Variants in SLAIN1 observed in about 807,000 individuals in gnomAD.
SLAIN1 encodes the protein SLAIN motif-containing protein 1.
Under a neutral mutation model 55.4 loss-of-function variants are expected in SLAIN1, and 17 were observed. The ratio of observed to expected loss-of-function variants is 0.31; its 90% CI spans 0.21 to 0.46. SLAIN1 has a LOEUF of 0.46. Ranked by LOEUF, SLAIN1 falls within the 20% of genes least tolerant of loss-of-function variation. SLAIN1 has a pLI of 1.00. For synonymous variants in SLAIN1, 348 were observed against 337.4 expected (o/e 1.03, Z -0.35); for missense variants, 682 against 785.1 (o/e 0.87, Z 1.57).
At chr13:77,709,494 T>G (rs2091124664) in intron 1 of SLAIN1, among the ~76,000 whole-genome samples, 1 of 152,086 alleles carries the variant, frequency 6.6e-6, no homozygotes, top group South Asian at 2.1e-4. Context: ...GGGAATAAAG[T>G]TAAGAGCAGC....
intron 2 of SLAIN1, among the ~76,000 whole-genome samples, chr13:77,735,913 T>G (rs1433722462): frequency 6.7e-6 from 1 of 149,080 alleles, no homozygotes; most frequent in Non-Finnish European, 1.5e-5. Flanking sequence ...ACTGGGGTGG[T>G]TTTTTTTTTC....
Position 77,698,384 on chromosome 13 carries a change from C to T in SLAIN1, c.471C>T (p.Phe157=). ...ACTTCAAGCCGGCAGCAGGCTTCTT[C>T]GGCGCGGGCGGTGGCGGGCCGGAGC... The part of the protein sequence containing the change: ...FVYFKPAAGF[F]GAGGGGPEPG... Residue 157 remains phenylalanine (F), a synonymous_variant, in exon 1 of 7, where the codon TTC becomes TTT. Coordinates refer to ENST00000418532, the MANE Select transcript of SLAIN1 (RefSeq NM_001242868.2). This position sits in a 1 kb window ranked among gnomAD's most constrained non-coding sequence, Gnocchi z 4.1. 1 of 1,420,270 alleles carries T rather than the reference C, an allele frequency of 7.0e-7. No homozygotes were observed. The highest frequency in any genetic ancestry group is 1.4e-5 in the South Asian group (1 of 69,148). 88.0% of individuals were successfully genotyped at this position (1,420,270 alleles called of 1,614,324 possible).
intron 1 of SLAIN1, among the ~76,000 whole-genome samples, chr13:77,716,293 A>C (rs1302845530): frequency 1.3e-5 from 2 of 148,860 alleles, no homozygotes; most frequent in African/African-American, 2.5e-5. Context: ...AACTGTTTTC[A>C]TTACTGTCAT....
At chr13:77,708,109 A>G (rs927915594) in intron 1 of SLAIN1, among the ~76,000 whole-genome samples, 6 of 152,226 alleles carry the variant, frequency 3.9e-5, no homozygotes, top group Admixed American at 1.3e-4. Context: ...ATAAGTGAAC[A>G]TGGCATAGTG....
At chr13:77,746,112 C>T (rs552109518) in intron 3 of SLAIN1, among the ~76,000 whole-genome samples, 1 of 152,136 alleles carries the variant, frequency 6.6e-6, no homozygotes, top group South Asian at 2.1e-4. Context: ...AGAATGACTT[C>T]CTACTTGGGC....
intron 1 of SLAIN1, among the ~76,000 whole-genome samples, chr13:77,710,047 C>T (rs1264871694): frequency 6.6e-6 from 1 of 152,056 alleles, no homozygotes. Context: ...GCTGGGATTA[C>T]AGGTGTGAGC....
At position 77,698,932 on chromosome 13, in the gene SLAIN1, G is replaced by C. The variant is rs1455357854; in HGVS notation, c.626+393G>C. The stretch of plus-strand genomic sequence containing the variant: ...CGGAGGGATGACGGGGGATGGTAGG[G>C]GTTGGCCTCTGTCTGCGACTGTTAC... On this transcript the variant is annotated intron_variant, in intron 1 of 6. Coordinates refer to ENST00000418532, the MANE Select transcript of SLAIN1 (RefSeq NM_001242868.2). This position sits in a 1 kb window ranked among gnomAD's most constrained non-coding sequence, Gnocchi z 4.1. 6.5e-7 allele frequency: 1 copy of C among 1,533,968 alleles called. No homozygotes were observed. Among genetic ancestry groups the C allele is most frequent in the Non-Finnish European group, 8.7e-7 (1 of 1,146,702 alleles).
chr13:77,699,257 T>G lies in SLAIN1; in HGVS notation c.626+718T>G. ...GACTTTTTTATTTATTTATTTATTT[T>G]TTTACCTAGGAACCAACGAACTGTC... On this transcript the variant is annotated intron_variant, in intron 1 of 6. Coordinates refer to ENST00000418532, the MANE Select transcript of SLAIN1 (RefSeq NM_001242868.2). 4 of 364,764 alleles carry G rather than the reference T, an allele frequency of 1.1e-5. No individual in the cohort carries two copies. The East Asian group carries it at 1.7e-4, about 15-fold the overall frequency. The allele number at this position is 364,764 out of a possible 1,614,324, so 22.6% of individuals were successfully genotyped here. A position where few individuals can be genotyped will look rare whatever the true frequency, so the allele number is the denominator to read the frequency against.
At chr13:77,717,665 G>A (rs145549016) in intron 1 of SLAIN1, among the ~76,000 whole-genome samples, 179 of 152,186 alleles carry the variant, frequency 1.2e-3, no homozygotes, top group African/African-American at 4.0e-3. Context: ...TGTCTGGGGC[G>A]TGGGCCTAAA....
At chr13:77,721,150 C>A (rs1333977178) in intron 2 of SLAIN1, among the ~76,000 whole-genome samples, 1 of 152,066 alleles carries the variant, frequency 6.6e-6, no homozygotes, top group African/African-American at 2.4e-5. Context: ...GGGGCGGTTT[C>A]CCCCATGCTG....
chr13:77,759,685 C>A (rs1874863485), intron 5 of SLAIN1, among the ~76,000 whole-genome samples: 1 of 152,138 alleles, frequency 6.6e-6, no homozygotes, highest in African/African-American at 2.4e-5. Context: ...TTTTTTGTAT[C>A]TGTTGAGATG....
chr13:77,746,442 T>G (rs1566241919), intron 3 of SLAIN1, 72 bp from the exon 4 acceptor site: 3 of 1,313,808 alleles, frequency 2.3e-6, no homozygotes, highest in Non-Finnish European at 3.1e-6. Context: ...ATTTTTCATC[T>G]AATACTTGGT....
intron 5 of SLAIN1, 110 bp from the exon 6 acceptor site, chr13:77,760,718 C>A: frequency 1.8e-6 from 2 of 1,142,208 alleles, no homozygotes; most frequent in Non-Finnish European, 1.3e-6. Flanking sequence ...TTTTCTCCTC[C>A]TGTGTATATT....
In SLAIN1 at chr13:77,714,145, C is replaced by T. The variant is rs552430454; in HGVS notation, c.627-5387C>T. On this transcript the variant is annotated intron_variant, in intron 1 of 6. Coordinates refer to ENST00000418532, the MANE Select transcript of SLAIN1 (RefSeq NM_001242868.2). ...TGTAAAAAATCCTGCACCTTCTGCA[C>T]ATATATCCCAGAACTTAAAGTATAG... 2.0e-5 allele frequency among the ~76,000 whole-genome samples: 3 copies of T among 151,990 alleles called. No individual in the cohort carries two copies. The South Asian group carries it at 6.2e-4, about 32-fold the overall frequency.
At chr13:77,716,167 C>G (rs1440906994) in intron 1 of SLAIN1, among the ~76,000 whole-genome samples, 1 of 151,506 alleles carries the variant, frequency 6.6e-6, no homozygotes, top group Non-Finnish European at 1.5e-5. Context: ...GTTCCAACAC[C>G]ATTTATTTAA....
intron 6 of SLAIN1, among the ~76,000 whole-genome samples, chr13:77,762,303 CTA>C (rs1275275633): frequency 2.0e-5 from 3 of 152,222 alleles, no homozygotes; most frequent in Non-Finnish European, 4.4e-5. Context: ...TGTCTCCAAA[CTA>C]AACTCTTGGA....
At position 77,698,413 on chromosome 13, in the gene SLAIN1, G is replaced by A; in HGVS notation, c.500G>A (p.Gly167Glu). ...FGAGGGGPEP[G>E]GAGTPPGAAA... ...GCGGGCGGTGGCGGGCCGGAGCCGG[G>A]GGGCGCGGGGACGCCGCCAGGGGCA... Residue 167 changes from glycine to glutamate, a missense_variant, in exon 1 of 7, where the codon GGG (glycine) becomes GAG (glutamate). Physicochemically the swap from Gly to Glu is moderately conservative, Grantham distance 98. This residue lies in a region of SLAIN1 where 401 missense variants were observed against 417.3 expected (regional missense o/e 0.96). Coordinates refer to ENST00000418532, the MANE Select transcript of SLAIN1 (RefSeq NM_001242868.2). The surrounding 1 kb of genome is among the most constrained non-coding windows in gnomAD (Gnocchi z 4.1). 1.4e-6 allele frequency: 2 copies of A among 1,395,688 alleles called. No homozygotes were observed. The highest frequency in any genetic ancestry group is 3.2e-5 in the South Asian group (2 of 63,308). The allele number at this position is 1,395,688 out of a possible 1,614,324, so 86.5% of individuals were successfully genotyped here.
intron 5 of SLAIN1, among the ~76,000 whole-genome samples, chr13:77,756,679 T>C (rs2154410916): frequency 6.6e-6 from 1 of 152,282 alleles, no homozygotes; most frequent in East Asian, 1.9e-4. Context: ...CCTAGCTTTC[T>C]GTCATCAGGG....
At chr13:77,709,832 G>A (rs565617096) in intron 1 of SLAIN1, among the ~76,000 whole-genome samples, 26 of 152,158 alleles carry the variant, frequency 1.7e-4, no homozygotes, top group East Asian at 1.4e-3. Flanking sequence ...GTGCAATGGC[G>A]CGATCTCGGC....
Sources: allele counts gnomAD v4.1 joint callset (sites outside exome capture counted in the v4.1 genomes callset), GRCh38; gene constraint gnomAD v4.1.1; regional missense constraint gnomAD v4.1.1; non-coding constraint Gnocchi (gnomAD v3.1); transcripts MANE v1.5; gene names NCBI Gene and HGNC (gene_info 2026-07-23, HGNC 2026-07-21).